Variants in CSMD1 observed in about 807,000 individuals in gnomAD.
CSMD1 encodes CUB and sushi domain-containing protein 1.
A neutral mutation model predicts 417.5 loss-of-function variants in CSMD1; 213 were observed. The ratio of observed to expected loss-of-function variants is 0.51; its 90% confidence interval spans 0.46 to 0.57. The LOEUF (loss-of-function observed/expected upper bound fraction) is 0.57, where lower values mean the gene tolerates loss of function less well. Among genes scored for constraint, CSMD1 ranks in the 20% least tolerant of loss-of-function variants. CSMD1 has a pLI of 0.00. For synonymous variants in CSMD1, 2,862 were observed against 1,736.8 expected (o/e 1.65, Z -16.11); for missense variants, 6,923 against 4,529.7 (o/e 1.53, Z -15.17).
intron 15 of CSMD1, among the ~76,000 whole-genome samples, chr8:3,405,538 C>G (rs562904650): frequency 6.6e-6 from 1 of 152,180 alleles, no homozygotes; most frequent in Non-Finnish European, 1.5e-5. Context: ...TAACCCTCAG[C>G]GCCTCAGATG....
chr8:3,646,895 T>C (rs996327012), intron 7 of CSMD1, among the ~76,000 whole-genome samples: 6 of 152,280 alleles, frequency 3.9e-5, no homozygotes, highest in African/African-American at 1.4e-4. Context: ...CTAGTTTTGA[T>C]GAGTAGGCTT....
At chr8:3,430,313 G>T (rs1254987911) in intron 12 of CSMD1, among the ~76,000 whole-genome samples, 1 of 152,020 alleles carries the variant, frequency 6.6e-6, no homozygotes. Flanking sequence ...TATGTGCTGA[G>T]AAATGTAGAA....
At chr8:4,465,249 C>G (rs1042996740) in intron 2 of CSMD1, among the ~76,000 whole-genome samples, 3 of 152,134 alleles carry the variant, frequency 2.0e-5, no homozygotes, top group Non-Finnish European at 4.4e-5. Context: ...GTATGTGTCT[C>G]TTTCATCTTT....
rs1022973535 is a variant in CSMD1, at chr8:4,788,264, G to C, written c.86-150706C>G. 6 of 1,586,338 alleles carry C rather than the reference G, an allele frequency of 3.8e-6. No individual in the cohort carries two copies. The African/African-American group carries it at 6.7e-5, about 18-fold the overall frequency. On this transcript the variant is annotated intron_variant, in intron 1 of 69. Coordinates refer to ENST00000635120, the MANE Select transcript of CSMD1 (RefSeq NM_033225.6). ...TGAGGGTTAAAGCTGAGTATGAAAG[G>C]GATGGCATTCCTACTGTATTTGTGG... is the stretch of plus-strand genomic sequence containing the variant.
At chr8:4,153,124 T>C (rs561786491) in intron 3 of CSMD1, among the ~76,000 whole-genome samples, 2 of 152,308 alleles carry the variant, frequency 1.3e-5, no homozygotes, top group African/African-American at 2.4e-5. Flanking sequence ...AAAATGGCAA[T>C]GTTGTATTGA....
intron 33 of CSMD1, among the ~76,000 whole-genome samples, chr8:3,192,398 A>G (rs994679520): frequency 2.0e-5 from 3 of 152,224 alleles, no homozygotes; most frequent in Admixed American, 6.5e-5. Context: ...ATGAAATTCA[A>G]TGATGTCTAA....
intron 41 of CSMD1, among the ~76,000 whole-genome samples, chr8:3,135,789 A>G (rs1818045725): frequency 6.6e-6 from 1 of 152,246 alleles, no homozygotes; most frequent in South Asian, 2.1e-4. Context: ...CTTAGACACA[A>G]GCTGGCCCAC....
At chr8:3,918,859 G>A (rs1809017906) in intron 5 of CSMD1, among the ~76,000 whole-genome samples, 1 of 152,036 alleles carries the variant, frequency 6.6e-6, no homozygotes, top group African/African-American at 2.4e-5. Context: ...TGACACAATG[G>A]ACTTTGGGGA....
intron 3 of CSMD1, among the ~76,000 whole-genome samples, chr8:4,195,878 A>C (rs1799311000): frequency 6.6e-6 from 1 of 152,152 alleles, no homozygotes; most frequent in African/African-American, 2.4e-5. Context: ...GACTTACGGC[A>C]GAGGACTCAG....
At chr8:3,870,833 T>C (rs1206348700) in intron 5 of CSMD1, among the ~76,000 whole-genome samples, 1 of 152,174 alleles carries the variant, frequency 6.6e-6, no homozygotes, top group Non-Finnish European at 1.5e-5. Flanking sequence ...AAGAAGCATC[T>C]CCAACATTAA....
chr8:4,213,064 G>T (rs967316948), intron 3 of CSMD1, among the ~76,000 whole-genome samples: 2 of 152,064 alleles, frequency 1.3e-5, no homozygotes, highest in Admixed American at 1.3e-4. Flanking sequence ...AGGTCACTTT[G>T]AGCTAATGTC....
At chr8:4,230,647 G>C (rs1317404531) in intron 3 of CSMD1, among the ~76,000 whole-genome samples, 4 of 152,178 alleles carry the variant, frequency 2.6e-5, no homozygotes, top group African/African-American at 9.6e-5. Flanking sequence ...CTACCAAGTA[G>C]CTCATAATTT....
At chr8:3,052,726 C>A in intron 49 of CSMD1, 79 bp from the exon 50 acceptor site, 10 of 994,688 alleles carry the variant, frequency 1.0e-5, no homozygotes, top group Non-Finnish European at 1.4e-5. Context: ...ATTGATTAAT[C>A]ATTATTATTG....
At chr8:3,598,137 T>C (rs1036285554) in intron 8 of CSMD1, among the ~76,000 whole-genome samples, 17 of 152,182 alleles carry the variant, frequency 1.1e-4, no homozygotes, top group Non-Finnish European at 2.1e-4. Flanking sequence ...CTAACGCATT[T>C]AACAAAACTA....
intron 3 of CSMD1, among the ~76,000 whole-genome samples, chr8:4,215,192 T>C (rs1008515323): frequency 3.3e-5 from 5 of 152,188 alleles, no homozygotes; most frequent in Non-Finnish European, 7.3e-5. Flanking sequence ...GTCCACGGCA[T>C]AAAGGCTTAA....
At chr8:4,482,621 T>C (rs933967006) in intron 2 of CSMD1, among the ~76,000 whole-genome samples, 6 of 152,194 alleles carry the variant, frequency 3.9e-5, no homozygotes, top group African/African-American at 4.8e-5. Context: ...AGTAATGGGA[T>C]TGCTGGATTG....
intron 26 of CSMD1, among the ~76,000 whole-genome samples, chr8:3,262,289 C>T (rs919675495): frequency 6.9e-6 from 1 of 143,892 alleles, no homozygotes; most frequent in African/African-American, 2.6e-5. Context: ...ATAAGCGTCA[C>T]AGAAGTCATG....
At chr8:3,451,942 C>A (rs1815750772) in intron 12 of CSMD1, among the ~76,000 whole-genome samples, 1 of 152,148 alleles carries the variant, frequency 6.6e-6, no homozygotes, top group Admixed American at 6.5e-5. Context: ...TTCTTCCTAC[C>A]CATGAACATG....
chr8:4,792,355 T>C (rs1182002803), intron 1 of CSMD1, among the ~76,000 whole-genome samples: 1 of 152,208 alleles, frequency 6.6e-6, no homozygotes, highest in Non-Finnish European at 1.5e-5. Flanking sequence ...GAATTTGCTT[T>C]AAAAAATAAA....
Sources: gnomAD v4.1 joint callset for allele counts (sites outside exome capture counted in the v4.1 genomes callset) on GRCh38, gnomAD v4.1.1 for gene constraint, MANE v1.5 for transcripts, NCBI Gene and HGNC (gene_info 2026-07-23, HGNC 2026-07-21) for gene names.